The following CARD19 variants were observed in gnomAD, a reference collection of about 807,000 sequenced individuals.
CARD19 encodes caspase recruitment domain-containing protein 19.
CARD19 carries 25 observed loss-of-function variants against 24.1 expected under a neutral mutation model. The ratio of observed to expected loss-of-function variants is 1.04; its 90% CI spans 0.76 to 1.45. CARD19 has a LOEUF of 1.45. Ranked by LOEUF, CARD19 falls within the 40% of genes most tolerant of loss-of-function variation. CARD19 has a pLI of 0.00. For synonymous variants in CARD19, 103 were observed against 104.9 expected (o/e 0.98, Z 0.11); for missense variants, 241 against 247.4 (o/e 0.97, Z 0.17).
Position 93,107,658 on chromosome 9 carries a change from G to A in CARD19, c.8-16G>A, listed in dbSNP as rs753011659. ...TTGGGCTGTGCTGGCTCATGACCCT[G>A]TGCTATCTGTTTTAGATCAGACCTA... is the stretch of plus-strand genomic sequence containing the variant. On this transcript the variant is annotated splice_polypyrimidine_tract_variant and intron_variant, in intron 1 of 5. Coordinates refer to ENST00000375464, the MANE Select transcript of CARD19 (RefSeq NM_032310.5). 2 of 1,614,138 alleles carry A rather than the reference G, an allele frequency of 1.2e-6. No individual in the cohort carries two copies. Among genetic ancestry groups the A allele is most frequent in the East Asian group, 2.2e-5 (1 of 44,884 alleles).
chr9:93,110,387 AG>A (rs1827420676), intron 2 of CARD19, 180 bp from the exon 3 acceptor site: 13 of 939,974 alleles, frequency 1.4e-5, no homozygotes, highest in Non-Finnish European at 2.0e-5. Context: ...CCTGTGACAG[AG>A]GCAATGCCAG....
chr9:93,107,461 T>A (rs1487416152), intron 1 of CARD19, among the ~76,000 whole-genome samples: 5 of 152,264 alleles, frequency 3.3e-5, no homozygotes, highest in African/African-American at 9.6e-5. Context: ...CTCACTTCCA[T>A]CTTCTGGAGA....
intron 2 of CARD19, 184 bp from the exon 3 acceptor site, chr9:93,110,384 C>T (rs1056936488): frequency 1.1e-6 from 1 of 932,156 alleles, no homozygotes; most frequent in Non-Finnish European, 1.6e-6. Flanking sequence ...ATGCCTGTGA[C>T]AGAGGCAATG....
At chr9:93,109,482 T>TA (rs536913306) in intron 2 of CARD19, among the ~76,000 whole-genome samples, 456 of 151,732 alleles carry the variant, frequency 3.0e-3, no homozygotes, top group Non-Finnish European at 5.6e-3. Context: ...TTTTTTTTTT[T>TA]TTCTTTGAGA....
In CARD19 at chr9:93,098,516, G is replaced by A. The variant is rs923816898; in HGVS notation, c.7+2164G>A. Among the ~76,000 whole-genome samples, 6 of 152,332 alleles carry A rather than the reference G, an allele frequency of 3.9e-5. No homozygotes were observed. The East Asian group carries it at 5.8e-4, about 15-fold the overall frequency. On this transcript the variant is annotated intron_variant, in intron 1 of 5. Coordinates refer to ENST00000375464, the MANE Select transcript of CARD19 (RefSeq NM_032310.5). ...GGCAAGAAGGAAGGGGATGTAGGGCGTGGTGAAGGCTTGCCAGGTCTGTGC... is the reference window on the plus strand; with the variant it reads ...GGCAAGAAGGAAGGGGATGTAGGGCATGGTGAAGGCTTGCCAGGTCTGTGC...
rs1826862992 is a variant in CARD19, at chr9:93,096,460, C to T, written c.7+108C>T. ...TCGCCTGCAGGCCGCGCCTGGGCAG[C>T]GGGGGCCGAGTGACCTTGGCCCGTC... On this transcript the variant is annotated intron_variant, in intron 1 of 5. Transcript: ENST00000375464. The surrounding 1 kb of genome is among the most constrained non-coding windows in gnomAD (Gnocchi z 5.4). 1.4e-5 allele frequency: 15 copies of T among 1,064,556 alleles called. No individual in the cohort carries two copies. The highest frequency in any genetic ancestry group is 1.8e-5 in the Non-Finnish European group (15 of 838,898). 65.9% of individuals were successfully genotyped at this position (1,064,556 alleles called of 1,614,324 possible). A position where few individuals can be genotyped will look rare whatever the true frequency, so the allele number is the denominator to read the frequency against.
intron 2 of CARD19, among the ~76,000 whole-genome samples, 162 bp downstream of exon 2, chr9:93,107,978 G>T (rs1366073377): frequency 6.6e-6 from 1 of 152,236 alleles, no homozygotes; most frequent in Admixed American, 6.5e-5. Flanking sequence ...TACTAAGGCT[G>T]CCTGAGCTAC....
chr9:93,110,720 G>A lies in CARD19; in HGVS notation c.303G>A (p.Leu101=). The change falls in exon 3 of 6, where the codon CTG becomes CTA. Residue 101 remains leucine, a splice_region_variant and synonymous_variant. Transcript: ENST00000375464. ...GCCGCCTGCCCAGCCGCCACGCTCTGCGTAAGTTCCACATCACCAACCATG... is the reference window on the plus strand; with the variant it reads ...GCCGCCTGCCCAGCCGCCACGCTCTACGTAAGTTCCACATCACCAACCATG... ...LHSRLPSRHA[L]QNSDCTELDS... 6.2e-7 allele frequency: 1 copy of A among 1,609,996 alleles called. No individual in the cohort carries two copies. The highest frequency in any genetic ancestry group is 8.5e-7 in the Non-Finnish European group (1 of 1,179,590).
intron 1 of CARD19, among the ~76,000 whole-genome samples, chr9:93,106,420 A>ATAAAAAAT (rs1554753845): frequency 2.7e-5 from 4 of 148,494 alleles, no homozygotes; most frequent in Admixed American, 2.0e-4. Context: ...CTACTAAAAA[A>ATAAAAAAT]AAAAAAAAAA....
At chr9:93,111,430 C>A (rs544746764) in intron 3 of CARD19, 97 of 1,076,304 alleles carry the variant, frequency 9.0e-5, no homozygotes, top group Non-Finnish European at 8.9e-5. Flanking sequence ...GGACAGAGAC[C>A]AGAGGGACTG....
chr9:93,110,808 A>G (rs1412552300), intron 3 of CARD19, 87 bp downstream of exon 3: 5 of 1,540,742 alleles, frequency 3.2e-6, no homozygotes, highest in Admixed American at 2.0e-5. Context: ...GATGTCCTCC[A>G]TGACCACCCA....
intron 1 of CARD19, among the ~76,000 whole-genome samples, chr9:93,099,526 T>C (rs369612124): frequency 1.6e-4 from 24 of 152,218 alleles, no homozygotes; most frequent in Admixed American, 7.2e-4. Flanking sequence ...GTTGTCCTTA[T>C]GTTGCAAAGC....
intron 1 of CARD19, among the ~76,000 whole-genome samples, chr9:93,100,644 C>T (rs1301487812): frequency 6.6e-6 from 1 of 151,910 alleles, no homozygotes; most frequent in African/African-American, 2.4e-5. Flanking sequence ...GTTGTGTAGT[C>T]ATCACCACTG....
At chr9:93,103,923 C>T (rs915573658) in intron 1 of CARD19, among the ~76,000 whole-genome samples, 5 of 152,220 alleles carry the variant, frequency 3.3e-5, no homozygotes, top group Admixed American at 6.5e-5. Context: ...TTCTATCTCT[C>T]AGTACTGTTA....
chr9:93,102,066 A>T (rs1827104946), intron 1 of CARD19, among the ~76,000 whole-genome samples: 1 of 151,780 alleles, frequency 6.6e-6, no homozygotes, highest in Admixed American at 6.6e-5. Flanking sequence ...GGTTCAAGCA[A>T]TTCTCCTGCC....
chr9:93,099,902 G>A (rs1186913764), intron 1 of CARD19, among the ~76,000 whole-genome samples: 1 of 152,238 alleles, frequency 6.6e-6, no homozygotes, highest in East Asian at 1.9e-4. Flanking sequence ...ATCATCAGGG[G>A]CCCTGTGAAC....
chr9:93,102,330 C>G (rs1402406787), intron 1 of CARD19, among the ~76,000 whole-genome samples: 1 of 152,068 alleles, frequency 6.6e-6, no homozygotes, highest in Non-Finnish European at 1.5e-5. Flanking sequence ...AGAGAAATGT[C>G]TATTCAAGTT....
At chr9:93,102,252 G>A (rs1827112237) in intron 1 of CARD19, among the ~76,000 whole-genome samples, 1 of 152,124 alleles carries the variant, frequency 6.6e-6, no homozygotes, top group African/African-American at 2.4e-5. Context: ...GATTACAGGT[G>A]TGAGCCACTG....
chr9:93,100,780 G>C (rs1237014325), intron 1 of CARD19, among the ~76,000 whole-genome samples: 1 of 152,060 alleles, frequency 6.6e-6, no homozygotes, highest in Non-Finnish European at 1.5e-5. Context: ...CTATGAATTT[G>C]ACCCCTCTAA....
Sources: gnomAD v4.1 joint callset for allele counts (sites outside exome capture counted in the v4.1 genomes callset) on GRCh38, gnomAD v4.1.1 for gene constraint, Gnocchi (gnomAD v3.1) non-coding constraint, MANE v1.5 for transcripts, NCBI Gene and HGNC (gene_info 2026-07-23, HGNC 2026-07-21) for gene names.